Variants in BRINP3 observed in about 807,000 individuals in gnomAD.
BRINP3 encodes the protein BMP/retinoic acid inducible neural specific 3.
A neutral mutation model predicts 71.0 loss-of-function variants in BRINP3; 19 were observed. That is an observed-to-expected ratio of 0.27 (90% confidence interval 0.19 to 0.39). The LOEUF (loss-of-function observed/expected upper bound fraction) is 0.39. BRINP3 is among the 10% of genes least tolerant of loss of function. The pLI, the probability that BRINP3 is intolerant of heterozygous loss-of-function variation, is 1.00. For missense variants in BRINP3, 959 were observed against 940.8 expected, an observed-to-expected ratio of 1.02 and a Z score of -0.25; for synonymous variants, 380 against 337.7, an observed-to-expected ratio of 1.13 and a Z score of -1.37.
intron 1 of BRINP3, among the ~76,000 whole-genome samples, chr1:190,456,094 A>G (rs770429194): frequency 1.3e-5 from 2 of 152,208 alleles, no homozygotes; most frequent in Non-Finnish European, 2.9e-5. Context: ...CAGTATTAAG[A>G]TATATCAGTA....
At chr1:190,115,483 C>T (rs996866522) in intron 7 of BRINP3, among the ~76,000 whole-genome samples, 2 of 152,034 alleles carry the variant, frequency 1.3e-5, no homozygotes, top group Non-Finnish European at 1.5e-5. Flanking sequence ...AATTTCAGTC[C>T]TTGAAGATGT....
chr1:190,169,943 A>C (rs1341360946), intron 6 of BRINP3, among the ~76,000 whole-genome samples: 1 of 152,138 alleles, frequency 6.6e-6, no homozygotes, highest in Non-Finnish European at 1.5e-5. Context: ...TTTGCTGATG[A>C]GAAAATTTCC....
chr1:190,296,351 G>C (rs1346837621), intron 2 of BRINP3, among the ~76,000 whole-genome samples: 1 of 151,544 alleles, frequency 6.6e-6, no homozygotes, highest in African/African-American at 2.4e-5. Flanking sequence ...GCAGATAAAG[G>C]GTTTCACAAA....
intron 6 of BRINP3, among the ~76,000 whole-genome samples, chr1:190,185,979 T>C (rs1653480739): frequency 6.6e-6 from 1 of 152,178 alleles, no homozygotes; most frequent in African/African-American, 2.4e-5. Context: ...CTAATTACTC[T>C]GATCTGACAC....
intron 2 of BRINP3, among the ~76,000 whole-genome samples, chr1:190,320,968 C>T (rs542532855): frequency 7.2e-5 from 11 of 152,084 alleles, no homozygotes; most frequent in Middle Eastern, 3.4e-3. Flanking sequence ...TATATATACA[C>T]ACACACACAC....
intron 2 of BRINP3, among the ~76,000 whole-genome samples, chr1:190,452,247 T>C (rs1031033268): frequency 3.3e-5 from 5 of 152,314 alleles, no homozygotes; most frequent in South Asian, 2.1e-4. Flanking sequence ...ATGAATAAAT[T>C]ATACTGTTCA....
intron 3 of BRINP3, among the ~76,000 whole-genome samples, chr1:190,265,561 T>TAA (rs1553274010): frequency 4.2e-4 from 60 of 141,734 alleles, no homozygotes; most frequent in East Asian, 1.3e-3. Flanking sequence ...TATATATATA[T>TAA]AAATTAGCCG....
At chr1:190,137,523 G>A (rs925972708) in intron 7 of BRINP3, among the ~76,000 whole-genome samples, 5 of 151,930 alleles carry the variant, frequency 3.3e-5, no homozygotes, top group African/African-American at 1.2e-4. Context: ...GAATTGTCTG[G>A]AATGATAATG....
intron 4 of BRINP3, among the ~76,000 whole-genome samples, chr1:190,235,596 CTT>C (rs1384313263): frequency 6.6e-6 from 1 of 151,938 alleles, no homozygotes; most frequent in Non-Finnish European, 1.5e-5. Context: ...CGTCTCTTCT[CTT>C]ATTTATTCTG....
At chr1:190,323,393 G>T in intron 2 of BRINP3, among the ~76,000 whole-genome samples, 1 of 151,640 alleles carries the variant, frequency 6.6e-6, no homozygotes, top group East Asian at 1.9e-4. Flanking sequence ...CATATTTAGT[G>T]GTCAAATGAG....
At chr1:190,416,495 C>A (rs899941736) in intron 2 of BRINP3, among the ~76,000 whole-genome samples, 6 of 152,136 alleles carry the variant, frequency 3.9e-5, no homozygotes, top group Admixed American at 1.3e-4. Context: ...TGAACTTCAG[C>A]GGTTAAACTA....
Position 190,189,994 on chromosome 1 carries a change from T to C in BRINP3, c.962-29104A>G, listed in dbSNP as rs188238479. ...AGTCTGGGATACATTACAACAGTTGTGGCACTGAGGAGAGCCAGAAGCTTA... is the reference window on the plus strand; with the variant it reads ...AGTCTGGGATACATTACAACAGTTGCGGCACTGAGGAGAGCCAGAAGCTTA... On this transcript the variant is annotated intron_variant, in intron 6 of 7. Transcript: ENST00000367462. Among the ~76,000 whole-genome samples, 83 of 152,270 alleles carry C rather than the reference T, an allele frequency of 5.5e-4. 1 individual carries two copies. In the East Asian group the frequency reaches 0.015, roughly 28 times the overall value.
Position 190,215,378 on chromosome 1 carries a change from G to A in BRINP3, c.961+10704C>T, listed in dbSNP as rs1051617812. Among the ~76,000 whole-genome samples, 72 of 151,902 alleles carry A rather than the reference G, an allele frequency of 4.7e-4. 1 individual carries two copies. Among genetic ancestry groups the A allele is most frequent in the African/African-American group, 1.7e-3 (70 of 41,482 alleles). ...GAAGGAGAATGAACATTGAGCAACCGACAGCAGATTTTATTAAAGATTATA... is the reference window on the plus strand; with the variant it reads ...GAAGGAGAATGAACATTGAGCAACCAACAGCAGATTTTATTAAAGATTATA... On this transcript the variant is annotated intron_variant, in intron 6 of 7. Transcript: ENST00000367462.
rs1307543664 is a variant in BRINP3, at chr1:190,177,146, A to ACGT, written c.962-16257_962-16256insACG. On this transcript the variant is annotated intron_variant, in intron 6 of 7. Transcript: ENST00000367462. Reference sequence around the variant, plus strand: ...TTGTTGGTTTGTCATGGAAGCACCCACTTCTTTTTTTTTTTTTTTTTTTTT... The same window carrying ACGT: ...TTGTTGGTTTGTCATGGAAGCACCCACGTCTTCTTTTTTTTTTTTTTTTTTTTT... Among the ~76,000 whole-genome samples, 30 of 98,114 alleles carry ACGT rather than the reference A, an allele frequency of 3.1e-4. 1 individual carries two copies. The highest frequency in any genetic ancestry group is 1.2e-3 in the African/African-American group (30 of 24,626). 64.4% of individuals were successfully genotyped at this position (98,114 alleles called of 152,430 possible). A position where few individuals can be genotyped will look rare whatever the true frequency, so the allele number is the denominator to read the frequency against.
chr1:190,301,166 C>CATATATATATATATATGT (rs1266032791), intron 2 of BRINP3, among the ~76,000 whole-genome samples: 3 of 38,022 alleles, frequency 7.9e-5, no homozygotes, highest in African/African-American at 2.1e-4. Flanking sequence ...TATATATATA[C>CATATATATATATATATGT]ATATATATAC....
intron 2 of BRINP3, among the ~76,000 whole-genome samples, chr1:190,329,958 A>C (rs1371513861): frequency 6.6e-6 from 1 of 151,956 alleles, no homozygotes; most frequent in Non-Finnish European, 1.5e-5. Flanking sequence ...AACTGGACCC[A>C]TACCATTCAT....
intron 6 of BRINP3, among the ~76,000 whole-genome samples, chr1:190,168,057 C>T (rs1322055616): frequency 6.6e-6 from 1 of 152,102 alleles, no homozygotes; most frequent in Non-Finnish European, 1.5e-5. Context: ...AACTATTAGC[C>T]ATCAGAGTCA....
chr1:190,169,643 A>G (rs1160056888), intron 6 of BRINP3, among the ~76,000 whole-genome samples: 1 of 152,188 alleles, frequency 6.6e-6, no homozygotes, highest in Non-Finnish European at 1.5e-5. Context: ...TTGAATGTCT[A>G]CTGTGTACCA....
At chr1:190,331,285 C>A (rs1666946327) in intron 2 of BRINP3, among the ~76,000 whole-genome samples, 1 of 151,872 alleles carries the variant, frequency 6.6e-6, no homozygotes. Context: ...GCAAGCTTTT[C>A]CTGGTTGAAC....
Sources: allele counts gnomAD v4.1 joint callset (sites outside exome capture counted in the v4.1 genomes callset), GRCh38; gene constraint gnomAD v4.1.1; transcripts MANE v1.5; gene names NCBI Gene and HGNC (gene_info 2026-07-23, HGNC 2026-07-21).